The following SLC4A10 variants were observed in gnomAD, a reference collection of about 807,000 sequenced individuals.
SLC4A10 encodes solute carrier family 4 member 10, also known as sodium-driven chloride bicarbonate exchanger.
Under a neutral mutation model 137.7 loss-of-function variants are expected in SLC4A10, and 42 were observed. The observed-to-expected ratio is 0.30, with a 90% CI of 0.24 to 0.39. The LOEUF (loss-of-function observed/expected upper bound fraction) is 0.39, where lower values mean the gene tolerates loss of function less well. SLC4A10 is among the 10% of genes least tolerant of loss of function. The pLI is 1.00. For synonymous variants in SLC4A10, 474 were observed against 464.1 expected (o/e 1.02, Z -0.27); for missense variants, 925 against 1,355.0 (o/e 0.68, Z 4.98).
intron 3 of SLC4A10, among the ~76,000 whole-genome samples, chr2:161,813,553 T>TA (rs1235026018): frequency 2.6e-5 from 4 of 152,080 alleles, no homozygotes; most frequent in East Asian, 1.9e-4. Context: ...TCTTAGAGTG[T>TA]AAAAAAATGA....
At chr2:161,908,065 C>A (rs115728605) in intron 15 of SLC4A10, among the ~76,000 whole-genome samples, 227 of 151,996 alleles carry the variant, frequency 1.5e-3, no homozygotes, top group African/African-American at 5.2e-3. Flanking sequence ...ATTGGAAAAG[C>A]AAGGTCTGAG....
At chr2:161,720,426 T>C (rs1304678630) in intron 1 of SLC4A10, among the ~76,000 whole-genome samples, 1 of 152,226 alleles carries the variant, frequency 6.6e-6, no homozygotes, top group East Asian at 1.9e-4. Context: ...TTTCCAATTC[T>C]GTGAAGAAAG....
Position 161,847,559 on chromosome 2 carries a change from T to G in SLC4A10, c.417-7411T>G, listed in dbSNP as rs1024685091. Among the ~76,000 whole-genome samples the G allele has an allele frequency of 2.0e-5, 3 of 152,190 alleles. No individual in the cohort carries two copies. The East Asian group carries it at 5.8e-4, about 29-fold the overall frequency. ...CTCTCCACCCTCAACTAGGCCTCAG[T>G]GTCTGTTGTTCCCTTCTTTGTAGTC... On this transcript the variant is annotated intron_variant, in intron 4 of 26. Transcript: ENST00000446997.
At chr2:161,721,364 A>C (rs2045650185) in intron 1 of SLC4A10, among the ~76,000 whole-genome samples, 1 of 152,184 alleles carries the variant, frequency 6.6e-6, no homozygotes, top group Non-Finnish European at 1.5e-5. Context: ...GAGCTCTTAC[A>C]AGGCAGGCAG....
chr2:161,920,170 A>C (rs1437161544), intron 15 of SLC4A10, among the ~76,000 whole-genome samples: 1 of 152,204 alleles, frequency 6.6e-6, no homozygotes, highest in Admixed American at 6.5e-5. Flanking sequence ...AGCTGAGCAC[A>C]ACCTGCCAGG....
chr2:161,904,397 T>G (rs1194691497), intron 13 of SLC4A10, among the ~76,000 whole-genome samples: 1 of 152,146 alleles, frequency 6.6e-6, no homozygotes, highest in African/African-American at 2.4e-5. Context: ...CAAAAGGTTC[T>G]CATCTGATGC....
At chr2:161,903,179 A>G (rs1263414831) in intron 12 of SLC4A10, among the ~76,000 whole-genome samples, 1 of 152,162 alleles carries the variant, frequency 6.6e-6, no homozygotes, top group Non-Finnish European at 1.5e-5. Context: ...ACAGTTTAAT[A>G]CTTTTCCCCC....
chr2:161,704,215 G>A (rs575977485), intron 1 of SLC4A10, among the ~76,000 whole-genome samples: 6 of 151,552 alleles, frequency 4.0e-5, no homozygotes, highest in African/African-American at 1.4e-4. Context: ...TTTTCATATA[G>A]CACTAAAACT....
chr2:161,796,578 G>A (rs1027470442), intron 2 of SLC4A10, among the ~76,000 whole-genome samples: 2 of 152,198 alleles, frequency 1.3e-5, no homozygotes, highest in African/African-American at 4.8e-5. Context: ...AGATTCAAGG[G>A]TTGGAGGAAT....
intron 1 of SLC4A10, among the ~76,000 whole-genome samples, chr2:161,757,926 GA>G (rs901702047): frequency 2.6e-5 from 4 of 151,906 alleles, no homozygotes; most frequent in African/African-American, 9.7e-5. Context: ...TTGGTCTTGT[GA>G]AGAGAATAAA....
At chr2:161,812,579 C>T (rs559219941) in intron 3 of SLC4A10, among the ~76,000 whole-genome samples, 1 of 152,074 alleles carries the variant, frequency 6.6e-6, no homozygotes, top group South Asian at 2.1e-4. Context: ...CCATGAGTAC[C>T]CAATGTTTAT....
chr2:161,630,498 G>T (rs543280996), intron 1 of SLC4A10, among the ~76,000 whole-genome samples: 1 of 151,710 alleles, frequency 6.6e-6, no homozygotes, highest in African/African-American at 2.4e-5. Flanking sequence ...ATTTTAGACT[G>T]GCTCCTTAAT....
chr2:161,784,432 A>G (rs1190229158), intron 2 of SLC4A10, among the ~76,000 whole-genome samples: 1 of 151,928 alleles, frequency 6.6e-6, no homozygotes, highest in African/African-American at 2.4e-5. Flanking sequence ...TTCACTCAAT[A>G]GCAGCATAAT....
At chr2:161,646,887 T>G (rs2036126187) in intron 1 of SLC4A10, among the ~76,000 whole-genome samples, 1 of 151,986 alleles carries the variant, frequency 6.6e-6, no homozygotes, top group South Asian at 2.1e-4. Context: ...TCACCTGGTT[T>G]TCTTATGTAT....
chr2:161,963,852 A>T (rs1220053844), intron 21 of SLC4A10, among the ~76,000 whole-genome samples: 1 of 152,116 alleles, frequency 6.6e-6, no homozygotes, highest in Non-Finnish European at 1.5e-5. Context: ...ACAGGGCTCC[A>T]CTCTTCAAGG....
intron 26 of SLC4A10, among the ~76,000 whole-genome samples, chr2:161,982,386 G>C (rs1558959): frequency 6.6e-6 from 1 of 152,186 alleles, no homozygotes; most frequent in African/African-American, 2.4e-5. Flanking sequence ...GTCAGCATGA[G>C]AGTAAGAAAA....
At chr2:161,881,183 G>A (rs1415284768) in intron 9 of SLC4A10, among the ~76,000 whole-genome samples, 4 of 151,936 alleles carry the variant, frequency 2.6e-5, no homozygotes, top group African/African-American at 4.8e-5. Context: ...CTATTAATAC[G>A]ATGGCAACAC....
chr2:161,879,180 A>T lies in SLC4A10; in HGVS notation c.998A>T (p.Asn333Ile). 6.2e-7 allele frequency: 1 copy of T among 1,613,572 alleles called. No individual in the cohort carries two copies. The highest frequency in any genetic ancestry group is 8.5e-7 in the Non-Finnish European group (1 of 1,179,608). The change falls in exon 9 of 27, where the codon AAC (asparagine) becomes ATC (isoleucine). Residue 333 changes from asparagine to isoleucine, a missense_variant. This residue lies in a region of SLC4A10 where 277 missense variants were observed against 306.1 expected (regional missense o/e 0.90). Coordinates refer to ENST00000446997, the MANE Select transcript of SLC4A10 (RefSeq NM_001178015.2). Reference protein sequence around the residue: ...KKIPPGAEASNILVGELEFLD... With the variant: ...KKIPPGAEASIILVGELEFLD... ...ATTCCTCCAGGTGCTGAAGCATCGA[A>T]CATCTTAGTGGGAGAACTGGAGTTC...
chr2:161,953,755 G>A (rs1290883762), intron 19 of SLC4A10, among the ~76,000 whole-genome samples: 1 of 152,096 alleles, frequency 6.6e-6, no homozygotes, highest in African/African-American at 2.4e-5. Context: ...ATGATCCTTT[G>A]GATGGCTCCA....
Sources: allele counts gnomAD v4.1 joint callset (sites outside exome capture counted in the v4.1 genomes callset), GRCh38; gene constraint gnomAD v4.1.1; regional missense constraint gnomAD v4.1.1; transcripts MANE v1.5; gene names NCBI Gene and HGNC (gene_info 2026-07-23, HGNC 2026-07-21).